The following CLRN3 variants were observed in gnomAD, a reference collection of about 807,000 sequenced individuals.
CLRN3 encodes the protein clarin 3.
Under a neutral mutation model 16.7 loss-of-function variants are expected in CLRN3, and 12 were observed. That is an observed-to-expected ratio of 0.72 (90% CI 0.46 to 1.16). The LOEUF is 1.16. Ranked by LOEUF, CLRN3 falls within the 50% of genes most tolerant of loss-of-function variation. CLRN3 has a pLI of 0.00. For missense variants in CLRN3, 296 were observed against 274.2 expected, an observed-to-expected ratio of 1.08 and a Z score of -0.56; for synonymous variants, 118 against 113.0, an observed-to-expected ratio of 1.04 and a Z score of -0.28.
chr10:127,880,785 C>A (rs181576991), intron 2 of CLRN3, among the ~76,000 whole-genome samples: 3 of 152,270 alleles, frequency 2.0e-5, no homozygotes, highest in Middle Eastern at 3.4e-3. Context: ...CCAACATCTG[C>A]TGGCCAAGCA....
intron 1 of CLRN3, among the ~76,000 whole-genome samples, chr10:127,890,002 A>G (rs1259323655): frequency 6.6e-6 from 1 of 152,036 alleles, no homozygotes; most frequent in Non-Finnish European, 1.5e-5. Context: ...ATTTCCCCCA[A>G]CCCCCTTGCT....
chr10:127,883,284 GT>G (rs1845151345), intron 2 of CLRN3, among the ~76,000 whole-genome samples: 1 of 152,034 alleles, frequency 6.6e-6, no homozygotes, highest in Non-Finnish European at 1.5e-5. Context: ...GTGTGTGTGT[GT>G]GTGTGCACAT....
chr10:127,891,300 TC>T (rs1228129232), intron 1 of CLRN3, among the ~76,000 whole-genome samples: 2 of 152,204 alleles, frequency 1.3e-5, no homozygotes, highest in African/African-American at 2.4e-5. Flanking sequence ...AAATTGGAAA[TC>T]AACTGGTTCC....
At chr10:127,883,537 T>C (rs926719892) in intron 2 of CLRN3, among the ~76,000 whole-genome samples, 159 bp downstream of exon 2, 1 of 152,170 alleles carries the variant, frequency 6.6e-6, no homozygotes, top group African/African-American at 2.4e-5. Flanking sequence ...ACACTTTGGA[T>C]TGACAAAATA....
rs561201925 is a variant in CLRN3, at chr10:127,878,426, A to G, written c.410-6T>C. On this transcript the variant is annotated splice_region_variant and splice_polypyrimidine_tract_variant and intron_variant, in intron 2 of 2. Coordinates refer to ENST00000368671, the MANE Select transcript of CLRN3 (RefSeq NM_152311.5). ...GGTCACAAAAACGAAGGATGCTGAA[A>G]GGAAGATGGAGTTTCATGCATGGCA... 8.1e-6 allele frequency: 13 copies of G among 1,613,056 alleles called. No individual in the cohort carries two copies. In the South Asian group the frequency reaches 1.2e-4, roughly 15 times the overall value.
In CLRN3 at chr10:127,883,858, T is replaced by A. The variant is rs1458349535; in HGVS notation, c.247A>T (p.Asn83Tyr). The A allele has an allele frequency of 6.2e-7, 1 of 1,614,072 alleles. No homozygotes were observed. Among genetic ancestry groups the A allele is most frequent in the Non-Finnish European group, 8.5e-7 (1 of 1,180,030 alleles). Residue 83 changes from asparagine (N) to tyrosine (Y), a missense_variant, in exon 2 of 3, where the codon AAT becomes TAT. Asn to Tyr is a moderately radical substitution (Grantham distance 143). Transcript: ENST00000368671. ...KKFAVLEILN[N>Y]SSQKTLHSVT... is the part of the protein sequence containing the mutation. ...GAATGCAGAGTTTTTTGGGAAGAAT[T>A]ATTCAGTATCTCTAAAACTAAAACA... is the stretch of plus-strand genomic sequence containing the variant.
rs1469583281 is a variant in CLRN3, at chr10:127,892,841, T to G, written c.-57A>C. On this transcript the variant is annotated 5_prime_UTR_variant, in exon 1 of 3. Coordinates refer to ENST00000368671, the MANE Select transcript of CLRN3 (RefSeq NM_152311.5). ...AAAAGGAATATCTTCTTATAACACTTTTGAACCTTATCTTTTGAAGTCTGG... is the reference window on the plus strand; with the variant it reads ...AAAAGGAATATCTTCTTATAACACTGTTGAACCTTATCTTTTGAAGTCTGG... 9.0e-6 allele frequency: 9 copies of G among 1,001,518 alleles called. No individual in the cohort carries two copies. The African/African-American group carries it at 1.3e-4, about 14-fold the overall frequency. The allele number at this position is 1,001,518 out of a possible 1,614,324, so 62.0% of individuals were successfully genotyped here. A position where few individuals can be genotyped will look rare whatever the true frequency, so the allele number is the denominator to read the frequency against.
At chr10:127,882,534 C>G (rs1440596358) in intron 2 of CLRN3, among the ~76,000 whole-genome samples, 1 of 152,216 alleles carries the variant, frequency 6.6e-6, no homozygotes, top group Non-Finnish European at 1.5e-5. Context: ...GCTTTTTTCT[C>G]TTTTTGTTTT....
At chr10:127,885,954 C>T (rs1304789011) in intron 1 of CLRN3, among the ~76,000 whole-genome samples, 11 of 152,126 alleles carry the variant, frequency 7.2e-5, no homozygotes, top group Admixed American at 7.2e-4. Flanking sequence ...GGGGTTTGTC[C>T]ATGTTGGTCA....
Position 127,878,124 on chromosome 10 carries a change from A to G in CLRN3, c.*25T>C, listed in dbSNP as rs1219005331. The stretch of plus-strand genomic sequence containing the variant: ...TCAGGGCTGATGTACAATAGATGCA[A>G]CGCCAAAATGAGATGAAAGAGAATT... On this transcript the variant is annotated 3_prime_UTR_variant, in exon 3 of 3. Coordinates refer to ENST00000368671, the MANE Select transcript of CLRN3 (RefSeq NM_152311.5). 4 of 1,606,072 alleles carry G rather than the reference A, an allele frequency of 2.5e-6. No homozygotes were observed. The South Asian group carries it at 3.3e-5, about 13-fold the overall frequency.
chr10:127,892,655 CAG>C lies in CLRN3; in HGVS notation c.128_129del (p.Ser43CysfsTer18). 2 of 1,612,540 alleles carry C rather than the reference CAG, an allele frequency of 1.2e-6. No individual in the cohort carries two copies. Among genetic ancestry groups the C allele is most frequent in the Non-Finnish European group, 8.5e-7 (1 of 1,178,564 alleles). ...GTGATGAAAATGCTCCCATTTGAAG[CAG>C]AGTCTCTAACAGCAATTGTACTGGT... ...WITSTIAVRD[S>X]ASNGSIFITY... is the part of the protein sequence containing the mutation. On this transcript the variant is annotated frameshift_variant, in exon 1 of 3. Transcript: ENST00000368671. LOFTEE classifies it high-confidence loss of function.
At position 127,878,045 on chromosome 10, in the gene CLRN3, G is replaced by C; in HGVS notation, c.*104C>G. The C allele has an allele frequency of 7.5e-7, 1 of 1,336,494 alleles. No homozygotes were observed. The highest frequency in any genetic ancestry group is 1.0e-6 in the Non-Finnish European group (1 of 965,492). The allele number at this position is 1,336,494 out of a possible 1,614,324, so 82.8% of individuals were successfully genotyped here. A position where few individuals can be genotyped will look rare whatever the true frequency, so the allele number is the denominator to read the frequency against. ...GTCATGAAACACAAATGCTGTCACA[G>C]ATGACAGTCACGTTACCATGCTGAA... On this transcript the variant is annotated 3_prime_UTR_variant, in exon 3 of 3. Coordinates refer to ENST00000368671, the MANE Select transcript of CLRN3 (RefSeq NM_152311.5).
intron 2 of CLRN3, among the ~76,000 whole-genome samples, chr10:127,882,755 C>A (rs1410287981): frequency 6.6e-6 from 1 of 152,208 alleles, no homozygotes; most frequent in African/African-American, 2.4e-5. Flanking sequence ...AAATTTCAGG[C>A]CTGTGTTAAA....
chr10:127,882,595 T>C (rs1189599831), intron 2 of CLRN3, among the ~76,000 whole-genome samples: 2 of 152,178 alleles, frequency 1.3e-5, no homozygotes, highest in Non-Finnish European at 1.5e-5. Context: ...CTCTACTCCA[T>C]GACATGGAGA....
intron 1 of CLRN3, among the ~76,000 whole-genome samples, chr10:127,885,683 G>A (rs947254070): frequency 1.3e-5 from 2 of 152,124 alleles, no homozygotes; most frequent in African/African-American, 4.8e-5. Context: ...TTCAAGCAAA[G>A]AATCCTCCTG....
At position 127,883,797 on chromosome 10, in the gene CLRN3, G is replaced by A. The variant is rs751628160; in HGVS notation, c.308C>T (p.Thr103Met). The part of the protein sequence containing the change: ...TILFLVLSLI[T>M]SLLSSGFTFY... ...GGTAAACCCAGAGCTCAGCAGCGACGTGATCAAACTCAGGACCAGGAACAG... is the reference window on the plus strand; with the variant it reads ...GGTAAACCCAGAGCTCAGCAGCGACATGATCAAACTCAGGACCAGGAACAG... Residue 103 changes from threonine to methionine, a missense_variant, in exon 2 of 3, where the codon ACG becomes ATG. Transcript: ENST00000368671. The A allele has an allele frequency of 1.4e-5, 23 of 1,614,110 alleles. No individual in the cohort carries two copies. Among genetic ancestry groups the A allele is most frequent in the Middle Eastern group, 1.7e-4 (1 of 6,060 alleles).
intron 1 of CLRN3, among the ~76,000 whole-genome samples, chr10:127,891,207 G>C (rs548146549): frequency 6.6e-6 from 1 of 152,314 alleles, no homozygotes; most frequent in South Asian, 2.1e-4. Flanking sequence ...CAGGGCTTTA[G>C]AGCCAGGTCC....
At chr10:127,878,680 G>A (rs747943831) in intron 2 of CLRN3, among the ~76,000 whole-genome samples, 3 of 152,230 alleles carry the variant, frequency 2.0e-5, no homozygotes, top group Non-Finnish European at 4.4e-5. Flanking sequence ...TGTGTAACTT[G>A]TCTACCAAAC....
chr10:127,878,502 G>GA, intron 2 of CLRN3, 82 bp from the exon 3 acceptor site: 1 of 1,539,638 alleles, frequency 6.5e-7, no homozygotes, highest in Non-Finnish European at 8.8e-7. Context: ...CATATATATG[G>GA]GAATGTATTG....
Sources: allele counts gnomAD v4.1 joint callset (sites outside exome capture counted in the v4.1 genomes callset), GRCh38; gene constraint gnomAD v4.1.1; transcripts MANE v1.5; gene names NCBI Gene and HGNC (gene_info 2026-07-23, HGNC 2026-07-21).